Variants in TEX11 observed in about 807,000 individuals in gnomAD.
The protein encoded by TEX11 is testis-expressed protein 11.
TEX11 carries 7 observed loss-of-function variants against 84.4 expected under a neutral mutation model. The observed-to-expected ratio is 0.08, with a 90% CI of 0.05 to 0.16. The LOEUF (loss-of-function observed/expected upper bound fraction) is 0.16. Ranked by LOEUF, TEX11 falls within the 10% of genes least tolerant of loss-of-function variation. The pLI is 1.00. For synonymous variants in TEX11, 264 were observed against 222.8 expected, an observed-to-expected ratio of 1.18 and a Z score of -1.64; for missense variants, 551 against 660.5, an observed-to-expected ratio of 0.83 and a Z score of 1.82.
intron 25 of TEX11, among the ~76,000 whole-genome samples, chrX:70,583,974 AC>A (rs1369644753): frequency 8.9e-6 from 1 of 112,189 alleles, no homozygotes; most frequent in Non-Finnish European, 1.9e-5. Flanking sequence ...AAATTAGATA[AC>A]TTAGATAAAA....
chrX:70,600,089 T>C (rs369792790), intron 24 of TEX11, among the ~76,000 whole-genome samples: 4 of 111,321 alleles, frequency 3.6e-5, no homozygotes, highest in South Asian at 3.8e-4. Context: ...CCTGAGGAAT[T>C]GCCACACTGA....
intron 25 of TEX11, among the ~76,000 whole-genome samples, chrX:70,589,991 C>T (rs1287503844): frequency 8.9e-6 from 1 of 111,907 alleles, no homozygotes; most frequent in Non-Finnish European, 1.9e-5. Flanking sequence ...CAATGTTAAT[C>T]TCTAGTTTTT....
At chrX:70,617,516 T>C (rs1258041740) in intron 20 of TEX11, among the ~76,000 whole-genome samples, 2 of 108,909 alleles carry the variant, frequency 1.8e-5, no homozygotes, top group Non-Finnish European at 3.8e-5. Flanking sequence ...AATGAAACCA[T>C]GTCTTTTGCA....
intron 16 of TEX11, among the ~76,000 whole-genome samples, chrX:70,663,848 G>A (rs751162764): frequency 3.6e-5 from 4 of 111,117 alleles, no homozygotes; most frequent in Non-Finnish European, 7.6e-5. Flanking sequence ...TTGTTCCCTC[G>A]TATCTTTAGA....
intron 22 of TEX11, among the ~76,000 whole-genome samples, chrX:70,607,474 G>A (rs1017182615): frequency 4.5e-5 from 5 of 110,650 alleles, no homozygotes; most frequent in African/African-American, 1.3e-4. Flanking sequence ...GCCAGGTGTG[G>A]TGGCACACAA....
chrX:70,602,397 A>G (rs1204684196), intron 24 of TEX11, among the ~76,000 whole-genome samples: 4 of 105,744 alleles, frequency 3.8e-5, no homozygotes, highest in African/African-American at 1.4e-4. Flanking sequence ...CTGGTTCAAT[A>G]TACGCAAATC....
In TEX11 at chrX:70,609,130, C is replaced by G. The variant is rs766000467; in HGVS notation, c.1840G>C (p.Glu614Gln). 17 of 1,205,246 alleles carry G rather than the reference C, an allele frequency of 1.4e-5. No individual in the cohort carries two copies. Among genetic ancestry groups the G allele is most frequent in the South Asian group, 1.8e-5 (1 of 55,456 alleles). Residue 614 changes from glutamate to glutamine, a missense_variant, in exon 22 of 30, where the codon GAG (glutamate) becomes CAG (glutamine). By Grantham distance (29) the Glu-to-Gln change is conservative. Coordinates refer to ENST00000374333, the MANE Select transcript of TEX11 (RefSeq NM_031276.3). ...CACTGAGCTTCATTAGCTCTTGACTCCAAACTTAAGGCTTCTTCACCAAAA... is the reference window on the plus strand; with the variant it reads ...CACTGAGCTTCATTAGCTCTTGACTGCAAACTTAAGGCTTCTTCACCAAAA... ...QPFGEEALSL[E>Q]SRANEAQWFR...
chrX:70,625,321 T>TCTCC (rs757214438), intron 18 of TEX11, among the ~76,000 whole-genome samples: 2 of 110,560 alleles, frequency 1.8e-5, no homozygotes, highest in East Asian at 5.7e-4. Flanking sequence ...TTTTTCTATC[T>TCTCC]CTCCCCGACT....
intron 24 of TEX11, among the ~76,000 whole-genome samples, chrX:70,592,346 C>T (rs1432523702): frequency 9.0e-6 from 1 of 111,308 alleles, no homozygotes; most frequent in Non-Finnish European, 1.9e-5. Context: ...GTGGGTGTGG[C>T]CAAGAAGATA....
At chrX:70,652,135 A>G (rs2089818083) in intron 16 of TEX11, among the ~76,000 whole-genome samples, 6 of 111,172 alleles carry the variant, frequency 5.4e-5, no homozygotes, top group Admixed American at 1.9e-4. Flanking sequence ...GGGTGGAGGG[A>G]AACAATCCAT....
intron 12 of TEX11, among the ~76,000 whole-genome samples, chrX:70,724,696 A>C (rs2090586205): frequency 9.0e-6 from 1 of 111,300 alleles, no homozygotes; most frequent in Admixed American, 9.6e-5. Flanking sequence ...CACACTATGC[A>C]CCAGGTATGG....
At chrX:70,714,428 A>C (rs753089491) in intron 13 of TEX11, among the ~76,000 whole-genome samples, 369 of 111,351 alleles carry the variant, frequency 3.3e-3, no homozygotes, top group Non-Finnish European at 5.2e-3. Flanking sequence ...TGGGAGTCTA[A>C]GTCTCTTTGT....
At chrX:70,522,005 C>T in the TEX11 span, among the ~76,000 whole-genome samples, 1 of 110,997 alleles carries the variant, frequency 9.0e-6, no homozygotes, top group Non-Finnish European at 1.9e-5. Context: ...ACTACAGACA[C>T]TCATCACAAC....
chrX:70,538,611 A>C (rs1021086760), intron 28 of TEX11, among the ~76,000 whole-genome samples: 2 of 110,711 alleles, frequency 1.8e-5, no homozygotes, highest in Non-Finnish European at 3.8e-5. Context: ...GCAACATAGT[A>C]AGACCTCCTC....
chrX:70,806,464 GA>G (rs1264008645), intron 9 of TEX11, among the ~76,000 whole-genome samples: 1 of 102,030 alleles, frequency 9.8e-6, no homozygotes, highest in Non-Finnish European at 2.0e-5. Context: ...AAAAAAAGAA[GA>G]AAAAAAGAAA....
intron 4 of TEX11, among the ~76,000 whole-genome samples, chrX:70,867,193 A>G (rs918765651): frequency 8.9e-6 from 1 of 111,831 alleles, no homozygotes; most frequent in African/African-American, 3.2e-5. Context: ...TACAAAATCA[A>G]TATGTAAAAA....
chrX:70,872,366 G>A (rs1029240019), intron 4 of TEX11, among the ~76,000 whole-genome samples: 5 of 112,415 alleles, frequency 4.4e-5, no homozygotes, highest in African/African-American at 9.7e-5. Context: ...ATATCTACAC[G>A]GAAGTTGTAT....
intron 24 of TEX11, among the ~76,000 whole-genome samples, chrX:70,600,019 C>G (rs1234842099): frequency 3.6e-5 from 4 of 110,717 alleles, no homozygotes; most frequent in African/African-American, 9.9e-5. Flanking sequence ...ATTTATAGTC[C>G]TTTGGGTATA....
intron 11 of TEX11, among the ~76,000 whole-genome samples, chrX:70,737,593 C>T (rs1382649303): frequency 2.7e-5 from 3 of 110,072 alleles, no homozygotes; most frequent in Non-Finnish European, 5.7e-5. Flanking sequence ...AGAAGACACG[C>T]TATATAAAAA....
Sources: gnomAD v4.1 joint callset for allele counts (sites outside exome capture counted in the v4.1 genomes callset) on GRCh38, gnomAD v4.1.1 for gene constraint, MANE v1.5 for transcripts, NCBI Gene and HGNC (gene_info 2026-07-23, HGNC 2026-07-21) for gene names.